The following STRN3 variants were observed in gnomAD, a reference collection of about 807,000 sequenced individuals.
The protein encoded by STRN3 is striatin-3.
STRN3 carries 29 observed loss-of-function variants against 95.6 expected under a neutral mutation model. The ratio of observed to expected loss-of-function variants is 0.30; its 90% CI spans 0.23 to 0.41. STRN3 has a LOEUF of 0.41. Among genes scored for constraint, STRN3 ranks in the 10% least tolerant of loss-of-function variants. STRN3 has a pLI of 1.00. For synonymous variants in STRN3, 331 were observed against 357.6 expected, an observed-to-expected ratio of 0.93 and a Z score of 0.84; for missense variants, 890 against 972.1, an observed-to-expected ratio of 0.92 and a Z score of 1.12.
intron 5 of STRN3, among the ~76,000 whole-genome samples, chr14:30,944,541 GTA>G (rs1225771022): frequency 8.1e-6 from 1 of 124,046 alleles, no homozygotes; most frequent in Admixed American, 8.3e-5. Context: ...ATATATACAT[GTA>G]TATATACACG....
intron 9 of STRN3, among the ~76,000 whole-genome samples, chr14:30,914,908 C>T (rs1896698352): frequency 6.6e-6 from 1 of 152,140 alleles, no homozygotes; most frequent in Non-Finnish European, 1.5e-5. Context: ...TCTATACATA[C>T]TACTGACCAA....
intron 7 of STRN3, among the ~76,000 whole-genome samples, chr14:30,929,959 A>AC (rs1878413787): frequency 3.9e-5 from 5 of 127,200 alleles, no homozygotes; most frequent in Non-Finnish European, 4.9e-5. Context: ...ATTAGCAAAA[A>AC]AAAAAAAAAA....
chr14:30,942,351 T>G (rs1594470293), intron 5 of STRN3, among the ~76,000 whole-genome samples: 1 of 152,214 alleles, frequency 6.6e-6, no homozygotes, highest in East Asian at 1.9e-4. Flanking sequence ...TGTGGATAAT[T>G]TTTCTCTTTG....
intron 1 of STRN3, among the ~76,000 whole-genome samples, chr14:31,019,492 G>A (rs1883399765): frequency 6.6e-6 from 1 of 151,934 alleles, no homozygotes; most frequent in Admixed American, 6.6e-5. Flanking sequence ...AATTAAAGGA[G>A]GGTTATATAT....
intron 1 of STRN3, among the ~76,000 whole-genome samples, chr14:30,996,852 C>T (rs1055294354): frequency 1.3e-5 from 2 of 149,558 alleles, no homozygotes; most frequent in African/African-American, 5.0e-5. Context: ...GGTGACAGAG[C>T]GAGACTCCAT....
chr14:30,918,762 AAAC>A (rs1357277321), intron 9 of STRN3, among the ~76,000 whole-genome samples: 1 of 152,188 alleles, frequency 6.6e-6, no homozygotes, highest in Non-Finnish European at 1.5e-5. Context: ...CTCACATTAA[AAAC>A]AAAAACAAAA....
intron 1 of STRN3, among the ~76,000 whole-genome samples, chr14:30,961,195 A>G (rs1285373750): frequency 6.6e-6 from 1 of 152,228 alleles, no homozygotes; most frequent in Non-Finnish European, 1.5e-5. Context: ...TTAAAGTACC[A>G]TAAAACAAGA....
intron 15 of STRN3, among the ~76,000 whole-genome samples, chr14:30,903,070 G>C (rs1896367995): frequency 6.6e-6 from 1 of 151,812 alleles, no homozygotes; most frequent in Non-Finnish European, 1.5e-5. Flanking sequence ...ACAAAGAACT[G>C]GAATTAATGA....
intron 3 of STRN3, among the ~76,000 whole-genome samples, chr14:30,955,161 T>A (rs1202957273): frequency 1.3e-5 from 2 of 152,178 alleles, no homozygotes. Flanking sequence ...CATCTTGGTC[T>A]CTTAATTTTA....
chr14:30,962,264 T>C (rs1008870983), intron 1 of STRN3, among the ~76,000 whole-genome samples: 7 of 152,214 alleles, frequency 4.6e-5, no homozygotes, highest in Admixed American at 3.3e-4. Flanking sequence ...AGCTGTACAA[T>C]GTGCTTGTTT....
At chr14:30,929,953 G>GAAA (rs1878399471) in intron 7 of STRN3, among the ~76,000 whole-genome samples, 1 of 7,888 alleles carries the variant, frequency 1.3e-4, no homozygotes, top group African/African-American at 3.2e-4. Flanking sequence ...ACTAAGATTA[G>GAAA]CAAAAAAAAA....
chr14:30,913,630 C>T lies in STRN3; in HGVS notation c.1268G>A (p.Gly423Glu). 1 of 1,613,760 alleles carries T rather than the reference C, an allele frequency of 6.2e-7. No individual in the cohort carries two copies. Among genetic ancestry groups the T allele is most frequent in the African/African-American group, 1.3e-5 (1 of 75,044 alleles). Reference sequence around the variant, plus strand: ...AGAACCCATAATAAATGACTTGCCTCCTCCAGATGGAAACGTTATTGGTTC... The same window carrying T: ...AGAACCCATAATAAATGACTTGCCTTCTCCAGATGGAAACGTTATTGGTTC... ...EAEPITFPSG[G>E]GKSFIMGSDD... Residue 423 changes from glycine (G) to glutamate (E), a missense_variant, in exon 10 of 18, where the codon GGA becomes GAA. Physicochemically the swap from Gly to Glu is moderately conservative, Grantham distance 98 (BLOSUM62 -2). Around this residue, in one of 3 missense-constraint regions of STRN3, gnomAD observed 526 missense variants for 526.3 expected, o/e 1.00. Transcript: ENST00000357479.
chr14:30,928,903 CTTTA>C (rs1289100364), intron 8 of STRN3, among the ~76,000 whole-genome samples: 10 of 152,156 alleles, frequency 6.6e-5, no homozygotes, highest in African/African-American at 2.2e-4. Context: ...TTTGAAAAAT[CTTTA>C]TTTTTTATTC....
chr14:31,011,892 C>T (rs1882986315), intron 1 of STRN3, among the ~76,000 whole-genome samples: 1 of 151,968 alleles, frequency 6.6e-6, no homozygotes, highest in Admixed American at 6.6e-5. Context: ...CCAGCCTGAC[C>T]AACATGGTGA....
intron 7 of STRN3, among the ~76,000 whole-genome samples, chr14:30,929,974 A>AAAAAAAAAAACAAAAAAC (rs1566441515): frequency 6.7e-6 from 1 of 149,904 alleles, no homozygotes; most frequent in African/African-American, 2.4e-5. Context: ...AAAAAAAAAA[A>AAAAAAAAAAACAAAAAAC]AAAAACTCAA....
intron 5 of STRN3, among the ~76,000 whole-genome samples, chr14:30,940,811 C>T (rs948409193): frequency 6.6e-6 from 1 of 152,182 alleles, no homozygotes; most frequent in East Asian, 1.9e-4. Flanking sequence ...CATTGACCCT[C>T]TCAACTTGAT....
chr14:30,920,064 GAAGAA>G (rs2139017187), intron 8 of STRN3, among the ~76,000 whole-genome samples: 1 of 152,158 alleles, frequency 6.6e-6, no homozygotes, highest in East Asian at 1.9e-4. Flanking sequence ...AACATTAATG[GAAGAA>G]TCCGACTGCT....
At chr14:30,925,668 G>C (rs1897009760) in intron 8 of STRN3, among the ~76,000 whole-genome samples, 1 of 152,098 alleles carries the variant, frequency 6.6e-6, no homozygotes, top group Non-Finnish European at 1.5e-5. Flanking sequence ...TATATTTCAA[G>C]ATAGCTAGAA....
intron 3 of STRN3, 104 bp from the exon 4 acceptor site, chr14:30,951,048 A>G (rs1594484294): frequency 1.1e-6 from 1 of 950,256 alleles, no homozygotes; most frequent in East Asian, 2.5e-5. Flanking sequence ...TACCTATTTT[A>G]TAAAGGACAG....
Sources: gnomAD v4.1 joint callset for allele counts (sites outside exome capture counted in the v4.1 genomes callset) on GRCh38, gnomAD v4.1.1 for gene constraint, gnomAD v4.1.1 regional missense constraint, MANE v1.5 for transcripts, NCBI Gene and HGNC (gene_info 2026-07-23, HGNC 2026-07-21) for gene names.